The following ARHGAP6 variants were observed in gnomAD, a reference collection of about 807,000 sequenced individuals.
The protein encoded by ARHGAP6 is rho GTPase-activating protein 6.
In ARHGAP6, 16 loss-of-function variants were observed where a neutral mutation model predicts 55.7. The ratio of observed to expected loss-of-function variants is 0.29; its 90% confidence interval spans 0.19 to 0.44. The LOEUF (loss-of-function observed/expected upper bound fraction) is 0.44. Ranked by LOEUF, ARHGAP6 falls within the 20% of genes least tolerant of loss-of-function variation. The pLI is 1.00. For missense variants in ARHGAP6, 698 were observed against 808.9 expected, an observed-to-expected ratio of 0.86 and a Z score of 1.66; for synonymous variants, 382 against 360.9, an observed-to-expected ratio of 1.06 and a Z score of -0.66.
At chrX:11,370,750 A>C (rs1270615552) in intron 1 of ARHGAP6, among the ~76,000 whole-genome samples, 1 of 111,524 alleles carries the variant, frequency 9.0e-6, no homozygotes, top group Admixed American at 9.5e-5. Flanking sequence ...AACATAATAA[A>C]ATGTCTCTCC....
intron 6 of ARHGAP6, among the ~76,000 whole-genome samples, chrX:11,181,412 T>A (rs1356630895): frequency 8.9e-6 from 1 of 112,272 alleles, no homozygotes; most frequent in Non-Finnish European, 1.9e-5. Context: ...ATGCTTTAAT[T>A]TTCCTTCACC....
intron 1 of ARHGAP6, among the ~76,000 whole-genome samples, chrX:11,410,429 G>A (rs1205803359): frequency 8.9e-6 from 1 of 112,404 alleles, no homozygotes; most frequent in Non-Finnish European, 1.9e-5. Context: ...GGCAAATCTA[G>A]AGACAAAAAG....
intron 2 of ARHGAP6, among the ~76,000 whole-genome samples, chrX:11,200,430 TC>T (rs1456114895): frequency 7.1e-5 from 8 of 112,282 alleles, no homozygotes; most frequent in African/African-American, 2.3e-4. Context: ...CAGCAAGCTT[TC>T]CACATCCTAG....
intron 1 of ARHGAP6, among the ~76,000 whole-genome samples, chrX:11,434,863 A>G (rs2049972897): frequency 8.9e-6 from 1 of 111,984 alleles, no homozygotes; most frequent in African/African-American, 3.2e-5. Context: ...CAGATCCCCC[A>G]GGAATGCTTG....
At chrX:11,357,310 A>T (rs1255224336) in intron 1 of ARHGAP6, among the ~76,000 whole-genome samples, 21 of 112,191 alleles carry the variant, frequency 1.9e-4, no homozygotes, top group Non-Finnish European at 3.8e-5. Context: ...TCATACACAA[A>T]GCATAATTCT....
intron 9 of ARHGAP6, among the ~76,000 whole-genome samples, chrX:11,168,837 GAACTGGT>G (rs2046051117): frequency 8.9e-6 from 1 of 112,236 alleles, no homozygotes; most frequent in South Asian, 3.7e-4. Context: ...AGGAAAACAG[GAACTGGT>G]AATTCAATAC....
intron 1 of ARHGAP6, among the ~76,000 whole-genome samples, chrX:11,563,148 A>T (rs1242848089): frequency 8.9e-6 from 1 of 111,989 alleles, no homozygotes; most frequent in East Asian, 2.7e-4. Flanking sequence ...TTGAAAAAAG[A>T]GAGGAAGAAA....
chrX:11,571,759 A>T (rs193118031), intron 1 of ARHGAP6, among the ~76,000 whole-genome samples: 1 of 104,692 alleles, frequency 9.6e-6, no homozygotes, highest in African/African-American at 3.5e-5. Flanking sequence ...ATAGTGCTGC[A>T]TGCCTGTGGT....
chrX:11,224,691 G>A (rs766506877), intron 2 of ARHGAP6, among the ~76,000 whole-genome samples: 1 of 110,474 alleles, frequency 9.1e-6, no homozygotes, highest in Non-Finnish European at 1.9e-5. Context: ...ACTGGCTGTG[G>A]AATTTCAGCT....
chrX:11,455,429 G>T (rs1480305807), intron 1 of ARHGAP6, among the ~76,000 whole-genome samples: 2 of 112,276 alleles, frequency 1.8e-5, no homozygotes, highest in Non-Finnish European at 1.9e-5. Flanking sequence ...AACTGCAGTA[G>T]CTGGATCTTG....
Position 11,156,509 on chromosome X carries a change from T to A in ARHGAP6, c.1907+20A>T, listed in dbSNP as rs140237384. On this transcript the variant is annotated intron_variant, in intron 10 of 12. Transcript: ENST00000337414. ...AAATCTCCAATGCGGCTTTAGAAGA[T>A]GGAACACTGGAATACTCACGATGAT... 7,193 of 1,158,289 alleles carry A rather than the reference T, an allele frequency of 6.2e-3. 30 individuals carry two copies. Among genetic ancestry groups the A allele is most frequent in the South Asian group, 0.012 (630 of 53,933 alleles).
intron 1 of ARHGAP6, among the ~76,000 whole-genome samples, chrX:11,368,744 T>C (rs2049112126): frequency 8.9e-6 from 1 of 111,965 alleles, no homozygotes; most frequent in Non-Finnish European, 1.9e-5. Context: ...TTGTGTCTTG[T>C]CCATCTCATA....
At chrX:11,220,204 T>A (rs1478056683) in intron 2 of ARHGAP6, among the ~76,000 whole-genome samples, 37 of 111,044 alleles carry the variant, frequency 3.3e-4, no homozygotes, top group African/African-American at 1.2e-3. Flanking sequence ...GTTGTAGATA[T>A]GCGGCCTTAT....
chrX:11,381,010 T>C (rs1008724052), intron 1 of ARHGAP6, among the ~76,000 whole-genome samples: 2 of 112,865 alleles, frequency 1.8e-5, no homozygotes, highest in African/African-American at 6.4e-5. Context: ...AGTGTCCACA[T>C]GGCTAAAGCT....
chrX:11,340,964 G>A (rs1380198830), intron 1 of ARHGAP6, among the ~76,000 whole-genome samples: 1 of 103,969 alleles, frequency 9.6e-6, no homozygotes, highest in East Asian at 3.1e-4. Flanking sequence ...GAGAAAAACG[G>A]TCAGATTAAT....
At chrX:11,160,231 C>G (rs892632002) in intron 9 of ARHGAP6, among the ~76,000 whole-genome samples, 2 of 107,759 alleles carry the variant, frequency 1.9e-5, no homozygotes, top group African/African-American at 6.8e-5. Context: ...GGGCAGATCA[C>G]GAGGTCAGGA....
intron 1 of ARHGAP6, among the ~76,000 whole-genome samples, chrX:11,423,135 G>A (rs1418674749): frequency 1.8e-5 from 2 of 112,534 alleles, no homozygotes; most frequent in Admixed American, 9.4e-5. Context: ...AGTAAGTTCT[G>A]GGCCATGCCA....
At chrX:11,209,860 C>A (rs1048378385) in intron 2 of ARHGAP6, among the ~76,000 whole-genome samples, 3 of 111,742 alleles carry the variant, frequency 2.7e-5, no homozygotes, top group Non-Finnish European at 5.6e-5. Context: ...CTGAGGGTCA[C>A]CACTGGGATT....
At chrX:11,168,315 T>G (rs1478299300) in intron 9 of ARHGAP6, among the ~76,000 whole-genome samples, 1 of 112,475 alleles carries the variant, frequency 8.9e-6, no homozygotes, top group Non-Finnish European at 1.9e-5. Context: ...TAATTAACAG[T>G]TGCATAAACT....
Sources: gnomAD v4.1 joint callset for allele counts (sites outside exome capture counted in the v4.1 genomes callset) on GRCh38, gnomAD v4.1.1 for gene constraint, MANE v1.5 for transcripts, NCBI Gene and HGNC (gene_info 2026-07-23, HGNC 2026-07-21) for gene names.